Variants in OIT3 observed in about 807,000 individuals in gnomAD.
OIT3 encodes the protein oncoprotein induced transcript 3.
Under a neutral mutation model 52.2 loss-of-function variants are expected in OIT3, and 41 were observed. That is an observed-to-expected ratio of 0.79 (90% confidence interval 0.61 to 1.02). The LOEUF (loss-of-function observed/expected upper bound fraction) is 1.02. Ranked by LOEUF, OIT3 falls within the 50% of genes least tolerant of loss-of-function variation. OIT3 has a pLI of 0.00. For missense variants in OIT3, 634 were observed against 715.5 expected (o/e 0.89, Z 1.30); for synonymous variants, 244 against 276.9 (o/e 0.88, Z 1.18).
chr10:72,931,656 G>GA lies in OIT3; in HGVS notation c.1468-694dup, dbSNP rs547018566. On this transcript the variant is annotated intron_variant, in intron 8 of 8. Transcript: ENST00000334011. ...AGAGTTATTAAAATGATAAATATGG[G>GA]AAAAGCAGACATAAAAACTGTTGTC... is the stretch of plus-strand genomic sequence containing the variant. Among the ~76,000 whole-genome samples, 30 of 152,284 alleles carry GA rather than the reference G, an allele frequency of 2.0e-4. No individual in the cohort carries two copies. In the East Asian group the frequency reaches 4.4e-3, roughly 23 times the overall value.
intron 3 of OIT3, among the ~76,000 whole-genome samples, chr10:72,903,691 A>G (rs1845952990): frequency 6.6e-6 from 1 of 152,202 alleles, no homozygotes; most frequent in Non-Finnish European, 1.5e-5. Context: ...TGTACCCATA[A>G]CAATAGATAG....
rs187419778 is a variant in OIT3, at chr10:72,897,158, G to A, written c.62-1506G>A. Among the ~76,000 whole-genome samples, 145 of 152,208 alleles carry A rather than the reference G, an allele frequency of 9.5e-4. 1 individual carries two copies. Among genetic ancestry groups the A allele is most frequent in the African/African-American group, 3.1e-3 (127 of 41,516 alleles). Reference sequence around the variant, plus strand: ...CCTGCCTCAGCCTCCCAAGTAGCTGGGATTACAGGCACGTGCCACCACGCC... The same window carrying A: ...CCTGCCTCAGCCTCCCAAGTAGCTGAGATTACAGGCACGTGCCACCACGCC... On this transcript the variant is annotated intron_variant, in intron 1 of 8. Coordinates refer to ENST00000334011, the MANE Select transcript of OIT3 (RefSeq NM_152635.3).
chr10:72,930,050 T>C (rs1846202746), intron 7 of OIT3, among the ~76,000 whole-genome samples: 1 of 152,228 alleles, frequency 6.6e-6, no homozygotes, highest in Non-Finnish European at 1.5e-5. Context: ...TTTATGTCAC[T>C]TTGATGCATG....
At chr10:72,930,722 A>C (rs1057409957) in intron 8 of OIT3, 85 bp downstream of exon 8, 13 of 825,122 alleles carry the variant, frequency 1.6e-5, no homozygotes, top group Non-Finnish European at 2.0e-5. Context: ...TGACATTCCA[A>C]GAGCCCACTG....
At chr10:72,907,864 G>GA (rs1845994128) in intron 4 of OIT3, among the ~76,000 whole-genome samples, 1 of 151,880 alleles carries the variant, frequency 6.6e-6, no homozygotes, top group African/African-American at 2.4e-5. Context: ...ATTTGAAATG[G>GA]AAATTGCCTA....
In OIT3 at chr10:72,906,705, C is replaced by T; in HGVS notation, c.654C>T (p.Gly218=). The T allele has an allele frequency of 6.3e-7, 1 of 1,590,964 alleles. No homozygotes were observed. The highest frequency in any genetic ancestry group is 1.4e-5 in the African/African-American group (1 of 73,986). ...CGVGRVLRSD[G]KTCEDVEGCH... Reference sequence around the variant, plus strand: ...TTGGCCGTGTGCTAAGAAGTGATGGCAAGACTTGTGAAGGTGAGAATGGGC... The same window carrying T: ...TTGGCCGTGTGCTAAGAAGTGATGGTAAGACTTGTGAAGGTGAGAATGGGC... The change falls in exon 4 of 9, where the codon GGC becomes GGT. Residue 218 remains glycine, a synonymous_variant. Coordinates refer to ENST00000334011, the MANE Select transcript of OIT3 (RefSeq NM_152635.3).
intron 6 of OIT3, chr10:72,918,549 CACTT>C (rs1846094241): frequency 2.4e-6 from 3 of 1,257,266 alleles, no homozygotes; most frequent in Non-Finnish European, 1.2e-6. Context: ...TGGCGGCACA[CACTT>C]AGGTGGGAGA....
chr10:72,932,432 C>T lies in OIT3; in HGVS notation c.1546C>T (p.Arg516Ter), dbSNP rs766875856. The T allele has an allele frequency of 3.1e-6, 5 of 1,613,998 alleles. No homozygotes were observed. In the Admixed American group the frequency reaches 5.0e-5, roughly 16 times the overall value. The stretch of plus-strand genomic sequence containing the variant: ...CCGCTGTGCCCAGGGTTGCCACCGG[C>T]GAATGCGTCGTGGGGCAGGAGGAGA... ...RSRCAQGCHR[R>*]MRRGAGGEDS... The change falls in exon 9 of 9, where the codon CGA (arginine) becomes TGA (stop). Residue 516 changes from arginine (R) to a stop codon, truncating the protein, a stop_gained. Transcript: ENST00000334011. LOFTEE classifies it low-confidence loss of function (END_TRUNC).
Position 72,909,060 on chromosome 10 carries a change from G to A in OIT3, c.667+2342G>A, listed in dbSNP as rs139791407. On this transcript the variant is annotated intron_variant, in intron 4 of 8. Coordinates refer to ENST00000334011, the MANE Select transcript of OIT3 (RefSeq NM_152635.3). The stretch of plus-strand genomic sequence containing the variant: ...CAGATGGTGAATGTAGTACCCAATA[G>A]GTAGTTTTTCAATCCTCACCCTGCT... 7.2e-3 allele frequency among the ~76,000 whole-genome samples: 1,080 copies of A among 150,824 alleles called. 17 individuals carry two copies. The highest frequency in any genetic ancestry group is 0.025 in the African/African-American group (1,032 of 41,078).
Position 72,906,850 on chromosome 10 carries a change from C to T in OIT3, c.667+132C>T, listed in dbSNP as rs145912833. On this transcript the variant is annotated intron_variant, in intron 4 of 8. Transcript: ENST00000334011. The stretch of plus-strand genomic sequence containing the variant: ...GGCTGTGCAAAGAAATGACAAAAGG[C>T]GTTCATCAACATTGAGAATACTCAC... 791 of 781,962 alleles carry T rather than the reference C, an allele frequency of 1.0e-3. 2 individuals are homozygous for T. Among genetic ancestry groups the T allele is most frequent in the Non-Finnish European group, 1.4e-3 (731 of 512,902 alleles). 48.4% of individuals were successfully genotyped at this position (781,962 alleles called of 1,614,324 possible).
chr10:72,913,209 C>T (rs936100238), intron 5 of OIT3, 99 bp from the exon 6 acceptor site: 1 of 983,486 alleles, frequency 1.0e-6, no homozygotes, highest in Non-Finnish European at 1.5e-6. Flanking sequence ...GGGGATGGAA[C>T]AAAAAGCTTG....
At chr10:72,900,293 G>T in intron 2 of OIT3, 84 bp from the exon 3 acceptor site, 2 of 273,148 alleles carry the variant, frequency 7.3e-6, no homozygotes, top group East Asian at 7.8e-5. Flanking sequence ...CACCCCCCCC[G>T]ACCCCCCGCA....
chr10:72,910,328 G>C (rs1293539352), intron 4 of OIT3, among the ~76,000 whole-genome samples: 1 of 152,014 alleles, frequency 6.6e-6, no homozygotes, highest in Non-Finnish European at 1.5e-5. Context: ...CATTTCAAAA[G>C]CCTCTAGGTG....
At chr10:72,920,404 G>A (rs1846111718) in intron 6 of OIT3, among the ~76,000 whole-genome samples, 1 of 152,048 alleles carries the variant, frequency 6.6e-6, no homozygotes. Flanking sequence ...TTGATCTTTT[G>A]AATGGTTTTT....
chr10:72,930,084 AT>A (rs969650770), intron 7 of OIT3, among the ~76,000 whole-genome samples: 1 of 152,250 alleles, frequency 6.6e-6, no homozygotes, highest in Non-Finnish European at 1.5e-5. Context: ...TAACTTTTGT[AT>A]CCCCTTCAGT....
At position 72,924,592 on chromosome 10, in the gene OIT3, AC is replaced by A. The variant is rs772547606; in HGVS notation, c.1320del (p.Thr441ProfsTer8). On this transcript the variant is annotated frameshift_variant, in exon 7 of 9. Transcript: ENST00000334011. LOFTEE classifies it high-confidence loss of function. ...AAGCTTGGTGGAGAGCTGCTTTGCC[AC>A]CCCCACCTCCAAGATCGACGAGGTC... ...LESLVESCFA[T>X]PTSKIDEVLK... is the part of the protein sequence containing the mutation. The A allele has an allele frequency of 3.7e-6, 6 of 1,613,660 alleles. No individual in the cohort carries two copies. Among genetic ancestry groups the A allele is most frequent in the Non-Finnish European group, 5.1e-6 (6 of 1,179,820 alleles).
intron 1 of OIT3, among the ~76,000 whole-genome samples, chr10:72,896,390 G>A (rs1177425389): frequency 6.6e-6 from 1 of 152,184 alleles, no homozygotes; most frequent in East Asian, 1.9e-4. Flanking sequence ...TGTCCCTTTT[G>A]ATGGGAGAAA....
chr10:72,898,842 T>C lies in OIT3; in HGVS notation c.240T>C (p.Cys80=). The C allele has an allele frequency of 6.2e-7, 1 of 1,614,158 alleles. No individual in the cohort carries two copies. Among genetic ancestry groups the C allele is most frequent in the South Asian group, 1.1e-5 (1 of 91,076 alleles). ...MPTFCIPENH[C]GTHAPVWLNG... ...CCTTCTGCATACCAGAAAACCACTG[T>C]GGAACCCACGCACCTGTCTGGCTCA... The change falls in exon 2 of 9, where the codon TGT becomes TGC. Residue 80 remains cysteine, a synonymous_variant. Transcript: ENST00000334011.
At chr10:72,922,299 G>C (rs181904845) in intron 6 of OIT3, among the ~76,000 whole-genome samples, 1 of 151,798 alleles carries the variant, frequency 6.6e-6, no homozygotes, top group Non-Finnish European at 1.5e-5. Flanking sequence ...TATTCTCCCA[G>C]CTCTTTCAGG....
Sources: allele counts gnomAD v4.1 joint callset (sites outside exome capture counted in the v4.1 genomes callset), GRCh38; gene constraint gnomAD v4.1.1; transcripts MANE v1.5; gene names NCBI Gene and HGNC (gene_info 2026-07-23, HGNC 2026-07-21).